The following EPB41L4A variants were observed in gnomAD, a reference collection of about 807,000 sequenced individuals.
The protein encoded by EPB41L4A is band 4.1-like protein 4A.
In EPB41L4A, 100 loss-of-function variants were observed where a neutral mutation model predicts 108.6. That is an observed-to-expected ratio of 0.92 (90% CI 0.78 to 1.09). EPB41L4A has a LOEUF of 1.09. EPB41L4A is among the 50% of genes least tolerant of loss of function. The pLI, the probability that EPB41L4A is intolerant of heterozygous loss-of-function variation, is 0.00. For missense variants in EPB41L4A, 1,030 were observed against 842.7 expected (o/e 1.22, Z -2.75); for synonymous variants, 319 against 289.0 (o/e 1.10, Z -1.05).
At chr5:112,394,694 C>G (rs180914604) in intron 1 of EPB41L4A, among the ~76,000 whole-genome samples, 31 of 152,240 alleles carry the variant, frequency 2.0e-4, no homozygotes, top group African/African-American at 7.5e-4. Context: ...CAATGCCATC[C>G]CCATCAAGCT....
intron 2 of EPB41L4A, among the ~76,000 whole-genome samples, chr5:112,304,350 T>C (rs1754558404): frequency 6.6e-6 from 1 of 152,128 alleles, no homozygotes; most frequent in African/African-American, 2.4e-5. Context: ...GACATAACTA[T>C]AATTTCTGGG....
At chr5:112,412,642 T>C (rs1406895457) in intron 1 of EPB41L4A, among the ~76,000 whole-genome samples, 8 of 152,110 alleles carry the variant, frequency 5.3e-5, no homozygotes, top group Non-Finnish European at 1.2e-4. Flanking sequence ...ATATGAAACG[T>C]GGAAACAAAA....
intron 1 of EPB41L4A, among the ~76,000 whole-genome samples, chr5:112,380,521 A>C (rs1384498915): frequency 1.3e-5 from 2 of 152,148 alleles, no homozygotes; most frequent in African/African-American, 4.8e-5. Context: ...CTACTGCTTA[A>C]AAATCCTTTA....
At chr5:112,332,616 C>T (rs1756638669) in intron 1 of EPB41L4A, among the ~76,000 whole-genome samples, 1 of 152,172 alleles carries the variant, frequency 6.6e-6, no homozygotes, top group Non-Finnish European at 1.5e-5. Flanking sequence ...TTTCTTTTCC[C>T]TCTTCCTTTG....
chr5:112,252,466 A>G (rs751481629), intron 9 of EPB41L4A, among the ~76,000 whole-genome samples: 3 of 152,134 alleles, frequency 2.0e-5, no homozygotes, highest in East Asian at 1.9e-4. Flanking sequence ...AATATATTAT[A>G]CCAAAAAAGG....
At chr5:112,195,585 T>C in intron 16 of EPB41L4A, 76 bp downstream of exon 16, 1 of 1,279,600 alleles carries the variant, frequency 7.8e-7, no homozygotes. Flanking sequence ...GCCCCCGCTC[T>C]TTCCTTAACT....
chr5:112,361,259 A>C (rs558652089), intron 1 of EPB41L4A, among the ~76,000 whole-genome samples: 3,139 of 152,226 alleles, frequency 0.021, 27 homozygotes, highest in Non-Finnish European at 0.032. Flanking sequence ...TGTGTCCACT[A>C]AGGGTTAAAT....
chr5:112,297,919 C>T (rs1054262140), intron 2 of EPB41L4A, among the ~76,000 whole-genome samples: 18 of 152,094 alleles, frequency 1.2e-4, no homozygotes, highest in Middle Eastern at 3.4e-3. Flanking sequence ...TTTGCTTTGT[C>T]GATGGTCAGT....
In EPB41L4A at chr5:112,204,353, A is replaced by T. The variant is rs200326726; in HGVS notation, c.1376+22T>A. Reference sequence around the variant, plus strand: ...AATGCTTCTGTTGAAAGCTGCTAACAGAGAGATTGTGTTCCGCTTACCTCC... The same window carrying T: ...AATGCTTCTGTTGAAAGCTGCTAACTGAGAGATTGTGTTCCGCTTACCTCC... On this transcript the variant is annotated intron_variant, in intron 15 of 22. Transcript: ENST00000261486. 5.1e-5 allele frequency: 77 copies of T among 1,521,690 alleles called. No individual in the cohort carries two copies. The African/African-American group carries it at 8.6e-4, about 17-fold the overall frequency. 94.3% of individuals were successfully genotyped at this position (1,521,690 alleles called of 1,614,324 possible). A position where few individuals can be genotyped will look rare whatever the true frequency, so the allele number is the denominator to read the frequency against.
intron 1 of EPB41L4A, among the ~76,000 whole-genome samples, chr5:112,359,518 A>G (rs1758574173): frequency 6.6e-6 from 1 of 151,832 alleles, no homozygotes; most frequent in Non-Finnish European, 1.5e-5. Context: ...TCAAGGATAC[A>G]TAGAAGAAAT....
chr5:112,331,375 T>C (rs1464112453), intron 1 of EPB41L4A, among the ~76,000 whole-genome samples: 1 of 152,212 alleles, frequency 6.6e-6, no homozygotes. Flanking sequence ...GACCATGCTA[T>C]ACCAGACAAA....
At chr5:112,267,058 C>T (rs2150462625) in intron 4 of EPB41L4A, among the ~76,000 whole-genome samples, 1 of 152,258 alleles carries the variant, frequency 6.6e-6, no homozygotes, top group South Asian at 2.1e-4. Context: ...AGCAATCTGA[C>T]CCTGGAACTC....
chr5:112,195,289 C>A (rs1247479328), intron 16 of EPB41L4A, among the ~76,000 whole-genome samples: 1 of 152,100 alleles, frequency 6.6e-6, no homozygotes, highest in Non-Finnish European at 1.5e-5. Context: ...CTGGATAACA[C>A]AACCTCAGCT....
chr5:112,383,062 CT>C (rs1014264458), intron 1 of EPB41L4A, among the ~76,000 whole-genome samples: 1 of 152,182 alleles, frequency 6.6e-6, no homozygotes, highest in African/African-American at 2.4e-5. Flanking sequence ...AGTCAAGGCT[CT>C]CCCCAGAGGA....
Position 112,228,494 on chromosome 5 carries a change from A to G in EPB41L4A, c.1087+6140T>C, listed in dbSNP as rs540905861. 3 of 159,962 alleles carry G rather than the reference A, an allele frequency of 1.9e-5. No homozygotes were observed. The East Asian group carries it at 5.8e-4, about 31-fold the overall frequency. The allele number at this position is 159,962 out of a possible 1,614,324, so 9.9% of individuals were successfully genotyped here. On this transcript the variant is annotated intron_variant, in intron 12 of 22. Transcript: ENST00000261486. ...AAATGTCATCTTATCTTGCTTTGCAATAGTTCAAAGATTATGCTGCAAGTA... is the reference window on the plus strand; with the variant it reads ...AAATGTCATCTTATCTTGCTTTGCAGTAGTTCAAAGATTATGCTGCAAGTA...
At chr5:112,338,552 C>G (rs1757065741) in intron 1 of EPB41L4A, among the ~76,000 whole-genome samples, 1 of 152,078 alleles carries the variant, frequency 6.6e-6, no homozygotes, top group Non-Finnish European at 1.5e-5. Context: ...CCCCCACTGT[C>G]TGGAGATGGG....
chr5:112,405,122 T>G (rs1762003764), intron 1 of EPB41L4A, among the ~76,000 whole-genome samples: 1 of 152,210 alleles, frequency 6.6e-6, no homozygotes. Context: ...GACTGTGGCT[T>G]CCATCTTGAG....
At chr5:112,387,101 C>A (rs1376766731) in intron 1 of EPB41L4A, among the ~76,000 whole-genome samples, 1 of 152,210 alleles carries the variant, frequency 6.6e-6, no homozygotes, top group Non-Finnish European at 1.5e-5. Flanking sequence ...CCTCTCCAGT[C>A]AGATGGAGCC....
In EPB41L4A at chr5:112,239,732, G is replaced by C; in HGVS notation, c.893C>G (p.Pro298Arg). 6.2e-7 allele frequency: 1 copy of C among 1,605,390 alleles called. No individual in the cohort carries two copies. The highest frequency in any genetic ancestry group is 8.5e-7 in the Non-Finnish European group (1 of 1,175,008). ...SVEHHTFFRM[P>R]ENESNSLSRK... ...TGACAGTGAATTGGATTCATTTTCT[G>C]GCATTCTAATCAATTTTTAAAAGAA... Residue 298 changes from proline to arginine, a missense_variant, in exon 11 of 23, where the codon CCA becomes CGA. Pro to Arg is a moderately radical substitution (Grantham distance 103). Transcript: ENST00000261486.
Sources: allele counts gnomAD v4.1 joint callset (sites outside exome capture counted in the v4.1 genomes callset), GRCh38; gene constraint gnomAD v4.1.1; transcripts MANE v1.5; gene names NCBI Gene and HGNC (gene_info 2026-07-23, HGNC 2026-07-21).